Variants in PLCH1 observed in about 807,000 individuals in gnomAD.
PLCH1 encodes 1-phosphatidylinositol 4,5-bisphosphate phosphodiesterase eta-1.
Under a neutral mutation model 126.7 loss-of-function variants are expected in PLCH1, and 60 were observed. That is an observed-to-expected ratio of 0.47 (90% CI 0.38 to 0.59). The LOEUF (loss-of-function observed/expected upper bound fraction) is 0.59. Ranked by LOEUF, PLCH1 falls within the 20% of genes least tolerant of loss-of-function variation. The pLI is 0.00. For synonymous variants in PLCH1, 719 were observed against 734.9 expected (o/e 0.98, Z 0.35); for missense variants, 1,723 against 2,040.0 (o/e 0.84, Z 2.99).
Position 155,494,405 on chromosome 3 carries a change from G to A in PLCH1, c.2007C>T (p.Pro669=). The A allele has an allele frequency of 1.2e-6, 2 of 1,614,124 alleles. No homozygotes were observed. Among genetic ancestry groups the A allele is most frequent in the Admixed American group, 1.7e-5 (1 of 60,014 alleles). Residue 669 remains proline (P), a synonymous_variant, in exon 16 of 23, where the codon CCC becomes CCT. Coordinates refer to ENST00000460012, the MANE Select transcript of PLCH1 (RefSeq NM_014996.4). ...TACTGGAATCAATGCGGTAGGCAGA[G>A]GGGTAAATCCTCGTGAGTTGCTTTT... ...YNQKQLTRIY[P]SAYRIDSSNF... is the part of the protein sequence containing the mutation.
intron 2 of PLCH1, among the ~76,000 whole-genome samples, chr3:155,684,712 T>A (rs1019766877): frequency 6.6e-6 from 1 of 152,162 alleles, no homozygotes; most frequent in African/African-American, 2.4e-5. Context: ...CAATTTTCAA[T>A]ACGTTACAGC....
intron 8 of PLCH1, among the ~76,000 whole-genome samples, chr3:155,564,517 A>G (rs1333895184): frequency 6.6e-6 from 1 of 152,158 alleles, no homozygotes; most frequent in African/African-American, 2.4e-5. Context: ...CTGAGCCTAG[A>G]TCGTGCCACT....
chr3:155,624,608 A>G (rs1736992250), intron 2 of PLCH1, among the ~76,000 whole-genome samples: 2 of 152,052 alleles, frequency 1.3e-5, no homozygotes, highest in Non-Finnish European at 2.9e-5. Flanking sequence ...CACGAATAAC[A>G]GAGAGCCAAA....
chr3:155,592,195 A>T (rs1732274328), intron 4 of PLCH1, among the ~76,000 whole-genome samples: 1 of 137,356 alleles, frequency 7.3e-6, no homozygotes, highest in South Asian at 2.3e-4. Context: ...AAAAAAAAAA[A>T]GATTCGTGGC....
chr3:155,492,804 CT>C lies in PLCH1; in HGVS notation c.2231del (p.Lys744SerfsTer5). 1 of 1,604,594 alleles carries C rather than the reference CT, an allele frequency of 6.2e-7. No homozygotes were observed. The highest frequency in any genetic ancestry group is 8.5e-7 in the Non-Finnish European group (1 of 1,175,958). ...SGDPLPANPK[K>X]QLILKVISGQ... ...CACTGATAACTTTCAGGATGAGCTGCTTTTTGGGGTTGGCAGGAAGAGGGTC... is the reference window on the plus strand; with the variant it reads ...CACTGATAACTTTCAGGATGAGCTGCTTTTGGGGTTGGCAGGAAGAGGGTC... On this transcript the variant is annotated frameshift_variant, in exon 18 of 23. Transcript: ENST00000460012. LOFTEE classifies it high-confidence loss of function.
At chr3:155,732,098 G>T (rs1198864662) in intron 1 of PLCH1, among the ~76,000 whole-genome samples, 1 of 149,116 alleles carries the variant, frequency 6.7e-6, no homozygotes, top group Non-Finnish European at 1.5e-5. Flanking sequence ...GCGTGACAAA[G>T]AATACATTAT....
intron 6 of PLCH1, among the ~76,000 whole-genome samples, chr3:155,571,223 G>A (rs1232108302): frequency 6.6e-6 from 1 of 152,078 alleles, no homozygotes; most frequent in African/African-American, 2.4e-5. Context: ...TAAAATCAAT[G>A]TATCATTTGC....
intron 2 of PLCH1, among the ~76,000 whole-genome samples, chr3:155,668,084 C>CAAAAAAA (rs756879174): frequency 5.3e-5 from 2 of 38,002 alleles, no homozygotes; most frequent in African/African-American, 2.3e-4. Flanking sequence ...GACTCCATCT[C>CAAAAAAA]AAAAAAAAAA....
intron 8 of PLCH1, among the ~76,000 whole-genome samples, chr3:155,562,440 T>TTACTTA: frequency 6.6e-6 from 1 of 152,190 alleles, no homozygotes; most frequent in Non-Finnish European, 1.5e-5. Context: ...CCCCTGTCAG[T>TTACTTA]TACTTATAAG....
Position 155,704,209 on chromosome 3 carries a change from A to G in PLCH1, c.16T>C (p.Leu6=). The G allele has an allele frequency of 2.4e-6, 3 of 1,228,658 alleles. No homozygotes were observed. Among genetic ancestry groups the G allele is most frequent in the Non-Finnish European group, 3.0e-6 (3 of 985,198 alleles). 76.1% of individuals were successfully genotyped at this position (1,228,658 alleles called of 1,614,324 possible). The change falls in exon 2 of 23, where the codon TTG becomes CTG. Residue 6 remains leucine (L), a synonymous_variant. Transcript: ENST00000460012. MSYWN[L]EKRNCVQYRR... The stretch of plus-strand genomic sequence containing the variant: ...TACTGCACACAGTTCCTTTTTTCCA[A>G]GTTCCAGTAACTCATTGTCAGAAGA...
chr3:155,680,141 T>C (rs571465582), intron 2 of PLCH1, among the ~76,000 whole-genome samples: 2 of 152,106 alleles, frequency 1.3e-5, no homozygotes, highest in Non-Finnish European at 2.9e-5. Context: ...TCCCAGCACA[T>C]TGGGAGGCTG....
intron 10 of PLCH1, among the ~76,000 whole-genome samples, chr3:155,524,232 G>A (rs1357670575): frequency 1.3e-5 from 2 of 152,180 alleles, no homozygotes; most frequent in Non-Finnish European, 2.9e-5. Flanking sequence ...AAAAGAAAGT[G>A]TATTGTATGA....
intron 1 of PLCH1, among the ~76,000 whole-genome samples, chr3:155,736,616 C>A (rs1749194549): frequency 6.6e-6 from 1 of 152,160 alleles, no homozygotes; most frequent in Non-Finnish European, 1.5e-5. Flanking sequence ...AATAGTGATG[C>A]TTTATGAGAG....
At chr3:155,736,502 T>C (rs1444239571) in intron 1 of PLCH1, among the ~76,000 whole-genome samples, 2 of 152,118 alleles carry the variant, frequency 1.3e-5, no homozygotes, top group South Asian at 2.1e-4. Context: ...AAAGAAACTT[T>C]CCAGCCTTCA....
chr3:155,617,077 T>A (rs142008416), intron 2 of PLCH1, among the ~76,000 whole-genome samples: 2 of 152,106 alleles, frequency 1.3e-5, no homozygotes, highest in Non-Finnish European at 2.9e-5. Context: ...ATTAATATAG[T>A]TTTCAAAATT....
intron 2 of PLCH1, among the ~76,000 whole-genome samples, chr3:155,671,596 T>C (rs1292953934): frequency 2.0e-5 from 3 of 152,090 alleles, no homozygotes; most frequent in Admixed American, 2.0e-4. Flanking sequence ...TTAGGAGGGA[T>C]AAAAGAGGCA....
rs760058547 is a variant in PLCH1, at chr3:155,596,275, T to G, written c.183A>C (p.Thr61=). 1.2e-6 allele frequency: 2 copies of G among 1,613,494 alleles called. No homozygotes were observed. Among genetic ancestry groups the G allele is most frequent in the Non-Finnish European group, 1.7e-6 (2 of 1,179,450 alleles). Residue 61 remains threonine, a synonymous_variant, in exon 3 of 23, where the codon ACA becomes ACC. Coordinates refer to ENST00000460012, the MANE Select transcript of PLCH1 (RefSeq NM_014996.4). ...VRLFYLDEHR[T]RLRWRPSRKS... Reference sequence around the variant, plus strand: ...TCCTAGAGGGTCGCCATCGGAGGCGTGTCCGGTGCTCATCCAGGTAAAAGA... The same window carrying G: ...TCCTAGAGGGTCGCCATCGGAGGCGGGTCCGGTGCTCATCCAGGTAAAAGA...
intron 2 of PLCH1, among the ~76,000 whole-genome samples, chr3:155,672,977 A>C (rs1743684074): frequency 6.7e-6 from 1 of 149,702 alleles, no homozygotes; most frequent in Non-Finnish European, 1.5e-5. Context: ...CAGTCTCCAA[A>C]CTGTTGTCAG....
Position 155,451,913 on chromosome 3 carries a change from T to C in PLCH1, c.2938+33443A>G, listed in dbSNP as rs1247056553. Among the ~76,000 whole-genome samples the C allele has an allele frequency of 2.0e-5, 3 of 152,192 alleles. No individual in the cohort carries two copies. The East Asian group carries it at 5.8e-4, about 29-fold the overall frequency. ...TCAGGCCTTCCTACTCAAACTGGAA[T>C]GTATGTACCATCAGCTCTTCTGCCG... On this transcript the variant is annotated intron_variant, in intron 21 of 21. Transcript: ENST00000494598.
Sources: gnomAD v4.1 joint callset for allele counts (sites outside exome capture counted in the v4.1 genomes callset) on GRCh38, gnomAD v4.1.1 for gene constraint, MANE v1.5 for transcripts, NCBI Gene and HGNC (gene_info 2026-07-23, HGNC 2026-07-21) for gene names.